EPHB4: variants seen among roughly 807,000 people sequenced by gnomAD.
EPHB4 encodes ephrin type-B receptor 4.
In EPHB4, 50 loss-of-function variants were observed where a neutral mutation model predicts 110.6. The ratio of observed to expected loss-of-function variants is 0.45; its 90% CI spans 0.36 to 0.57. The LOEUF (loss-of-function observed/expected upper bound fraction) is 0.57, where lower values mean the gene tolerates loss of function less well. EPHB4 is among the 20% of genes least tolerant of loss of function. EPHB4 has a pLI of 0.00. For missense variants in EPHB4, 1,128 were observed against 1,382.1 expected (o/e 0.82, Z 2.91); for synonymous variants, 592 against 578.4 (o/e 1.02, Z -0.34).
rs1459763678 is a variant in EPHB4 at position 100,817,186 on chromosome 7, G to C, written c.1588+6C>G. On this transcript the variant is annotated splice_donor_region_variant and intron_variant, in intron 8 of 16. Transcript: ENST00000358173. Reference sequence around the variant, plus strand: ...CCCCCACCCTCACCCCCTTCCCCAGGCTCACCATCCAGTTGGGTCTGGCTG... The same window carrying C: ...CCCCCACCCTCACCCCCTTCCCCAGCCTCACCATCCAGTTGGGTCTGGCTG... The C allele has an allele frequency of 6.6e-7, 1 of 1,525,944 alleles. No individual in the cohort carries two copies. The highest frequency in any genetic ancestry group is 1.3e-5 in the South Asian group (1 of 79,180). 94.5% of individuals were successfully genotyped at this position (1,525,944 alleles called of 1,614,324 possible).
chr7:100,826,468 A>G (rs1177768223), intron 1 of EPHB4, among the ~76,000 whole-genome samples: 4 of 151,980 alleles, frequency 2.6e-5, no homozygotes, highest in Non-Finnish European at 5.9e-5. Flanking sequence ...TGCTGTGTGA[A>G]TGCAAAGGAG....
intron 1 of EPHB4, 198 bp downstream of exon 1, chr7:100,826,781 A>G (rs776944375): frequency 1.8e-6 from 1 of 557,878 alleles, no homozygotes; most frequent in Non-Finnish European, 3.1e-6. Flanking sequence ...CTCTTTCCCA[A>G]ACAAAAGAAA....
rs1377710372 is a variant in EPHB4, at chr7:100,822,235, A to G, written c.808+36T>C. 3 of 1,539,328 alleles carry G rather than the reference A, an allele frequency of 1.9e-6. No homozygotes were observed. The highest frequency in any genetic ancestry group is 2.6e-6 in the Non-Finnish European group (3 of 1,143,206). On this transcript the variant is annotated intron_variant, in intron 4 of 16. Coordinates refer to ENST00000358173, the MANE Select transcript of EPHB4 (RefSeq NM_004444.5). The surrounding 1 kb of genome is among the most constrained non-coding windows in gnomAD (Gnocchi z 4.7). ...AGTGGAGTTCAGGACTCTCCCCCGG[A>G]TGAGCAGCAGTCGCAGGGGAAGCTC...
At chr7:100,823,070 T>TGAGCCCAGGAGTTA (rs1292946164) in intron 3 of EPHB4, among the ~76,000 whole-genome samples, 2 of 152,096 alleles carry the variant, frequency 1.3e-5, no homozygotes, top group Non-Finnish European at 2.9e-5. Flanking sequence ...AGAAATCTCT[T>TGAGCCCAGGAGTTA]GAGCCCAGGA....
intron 13 of EPHB4, among the ~76,000 whole-genome samples, chr7:100,806,791 C>A (rs1812827071): frequency 6.6e-6 from 1 of 152,188 alleles, no homozygotes; most frequent in African/African-American, 2.4e-5. Context: ...CTACCTCAGC[C>A]TCCTGAGTAG....
chr7:100,814,126 G>T, intron 8 of EPHB4, 105 bp from the exon 9 acceptor site: 1 of 1,249,840 alleles, frequency 8.0e-7, no homozygotes, highest in South Asian at 1.4e-5. Flanking sequence ...CAGGTCCCCA[G>T]TACAGGGGAC....
chr7:100,803,778 C>A (rs1189087970), intron 16 of EPHB4, among the ~76,000 whole-genome samples, 188 bp from the exon 17 acceptor site: 3 of 152,140 alleles, frequency 2.0e-5, no homozygotes, highest in Non-Finnish European at 4.4e-5. Flanking sequence ...TTCTGTGCAA[C>A]CGCAGAAGGG....
rs765562710 is a variant in EPHB4 at position 100,805,469 on chromosome 7, G to A, written c.2678+32C>T. The A allele has an allele frequency of 6.5e-6, 10 of 1,530,850 alleles. No homozygotes were observed. In the East Asian group the frequency reaches 9.1e-5, roughly 14 times the overall value. The allele number at this position is 1,530,850 out of a possible 1,614,324, so 94.8% of individuals were successfully genotyped here. Reference sequence around the variant, plus strand: ...TGGGCAAGGAGTGGGGGCAGAGAGCGGGAAGGAGGGCCCATTCTCTGCAGT... The same window carrying A: ...TGGGCAAGGAGTGGGGGCAGAGAGCAGGAAGGAGGGCCCATTCTCTGCAGT... On this transcript the variant is annotated intron_variant, in intron 15 of 16. Coordinates refer to ENST00000358173, the MANE Select transcript of EPHB4 (RefSeq NM_004444.5).
intron 9 of EPHB4, 57 bp from the exon 10 acceptor site, chr7:100,813,773 A>T: frequency 6.2e-7 from 1 of 1,611,314 alleles, no homozygotes; most frequent in Admixed American, 1.7e-5. Flanking sequence ...TTTATGAGGC[A>T]CACACACCAA....
chr7:100,809,534 CT>C (rs1239776109), intron 12 of EPHB4, among the ~76,000 whole-genome samples: 1 of 152,002 alleles, frequency 6.6e-6, no homozygotes, highest in Non-Finnish European at 1.5e-5. Flanking sequence ...ATCTCTCTCT[CT>C]TTTTAAGAGA....
intron 8 of EPHB4, among the ~76,000 whole-genome samples, chr7:100,816,502 T>C (rs1384543731): frequency 6.6e-6 from 1 of 151,940 alleles, no homozygotes; most frequent in East Asian, 2.0e-4. Flanking sequence ...CTCAGCTAAC[T>C]TCTATATTTT....
chr7:100,824,562 C>T (rs951949607), intron 1 of EPHB4: 8 of 408,430 alleles, frequency 2.0e-5, no homozygotes, highest in Non-Finnish European at 3.2e-5. Flanking sequence ...GGAGAAGGGG[C>T]GGCAGCTCAG....
chr7:100,817,170 T>C (rs2116443524), intron 8 of EPHB4, 22 bp downstream of exon 8: 2 of 1,332,468 alleles, frequency 1.5e-6, no homozygotes, highest in Non-Finnish European at 9.8e-7. Flanking sequence ...ACCCCCACCC[T>C]CACCCCCTTC....
At position 100,806,485 on chromosome 7, in the gene EPHB4, C is replaced by T. The variant is rs1330628156; in HGVS notation, c.2419G>A (p.Gly807Arg). 1.9e-6 allele frequency: 3 copies of T among 1,614,156 alleles called. No individual in the cohort carries two copies. Among genetic ancestry groups the T allele is most frequent in the African/African-American group, 1.3e-5 (1 of 75,058 alleles). The change falls in exon 14 of 17, where the codon GGG (glycine) becomes AGG (arginine). Residue 807 changes from glycine (G) to arginine (R), a missense_variant. Coordinates refer to ENST00000358173, the MANE Select transcript of EPHB4 (RefSeq NM_004444.5). ...GACATCACCTCCCACATCACAATCC[C>T]GTAACTCCAGGCATCACTGGCGGAA... ...FTSASDAWSYGIVMWEVMSFG... is the reference protein window; with the variant it reads ...FTSASDAWSYRIVMWEVMSFG...
At chr7:100,814,141 G>A (rs1363058629) in intron 8 of EPHB4, 120 bp from the exon 9 acceptor site, 28 of 1,060,552 alleles carry the variant, frequency 2.6e-5, no homozygotes, top group Non-Finnish European at 3.5e-5. Context: ...GGGGACAGGT[G>A]GAGGGAGAGG....
At chr7:100,818,468 A>G in intron 7 of EPHB4, 52 bp downstream of exon 7, 1 of 1,593,048 alleles carries the variant, frequency 6.3e-7, no homozygotes, top group South Asian at 1.1e-5. Flanking sequence ...TGTCCCAGCC[A>G]GGAGAGCACA....
chr7:100,813,312 T>G (rs1812989114), intron 10 of EPHB4, 104 bp from the exon 11 acceptor site: 2 of 846,146 alleles, frequency 2.4e-6, no homozygotes, highest in Non-Finnish European at 3.5e-6. Context: ...CGTGGTTTTT[T>G]TTTTTTTTTT....
intron 7 of EPHB4, 24 bp from the exon 8 acceptor site, chr7:100,817,381 G>A: frequency 6.5e-7 from 1 of 1,529,230 alleles, no homozygotes; most frequent in South Asian, 1.2e-5. Context: ...GTAGTGGGGT[G>A]GCCGTCACCC....
chr7:100,809,914 G>T (rs942835394), intron 12 of EPHB4, among the ~76,000 whole-genome samples: 1 of 152,168 alleles, frequency 6.6e-6, no homozygotes, highest in Non-Finnish European at 1.5e-5. Flanking sequence ...AGGGGTTTCA[G>T]ATCAGCCTGG....
Sources: allele counts gnomAD v4.1 joint callset (sites outside exome capture counted in the v4.1 genomes callset), GRCh38; gene constraint gnomAD v4.1.1; non-coding constraint Gnocchi (gnomAD v3.1); transcripts MANE v1.5; gene names NCBI Gene and HGNC (gene_info 2026-07-23, HGNC 2026-07-21).